Variants in CCDC158 observed in about 807,000 individuals in gnomAD.
CCDC158 encodes coiled-coil domain-containing protein 158.
A neutral mutation model predicts 138.6 loss-of-function variants in CCDC158; 116 were observed. The ratio of observed to expected loss-of-function variants is 0.84; its 90% CI spans 0.72 to 0.98. The LOEUF is 0.98. Among genes scored for constraint, CCDC158 ranks in the 50% least tolerant of loss-of-function variants. The pLI, the probability that CCDC158 is intolerant of heterozygous loss-of-function variation, is 0.00. For synonymous variants in CCDC158, 436 were observed against 442.4 expected, an observed-to-expected ratio of 0.99 and a Z score of 0.18; for missense variants, 1,265 against 1,306.1, an observed-to-expected ratio of 0.97 and a Z score of 0.48.
chr4:76,346,062 A>G (rs1042435128), intron 18 of CCDC158, among the ~76,000 whole-genome samples: 12 of 152,216 alleles, frequency 7.9e-5, no homozygotes, highest in Non-Finnish European at 1.5e-4. Flanking sequence ...CTGGAACAGA[A>G]CAGAGGCTTC....
At chr4:76,331,526 T>A in intron 20 of CCDC158, 123 bp from the exon 21 acceptor site, 1 of 743,192 alleles carries the variant, frequency 1.3e-6, no homozygotes, top group South Asian at 1.7e-5. Flanking sequence ...ATCTGACAGC[T>A]GGATAAATAA....
intron 16 of CCDC158, 36 bp from the exon 17 acceptor site, chr4:76,351,848 ATTCTT>A: frequency 7.8e-7 from 1 of 1,289,082 alleles, no homozygotes; most frequent in Non-Finnish European, 1.1e-6. Flanking sequence ...TTTATCTTGC[ATTCTT>A]TATGCACTTA....
intron 18 of CCDC158, among the ~76,000 whole-genome samples, chr4:76,347,303 TA>T (rs1370629780): frequency 6.6e-6 from 1 of 152,122 alleles, no homozygotes; most frequent in Middle Eastern, 3.2e-3. Flanking sequence ...ATAGACTGGA[TA>T]ATGTGCCTGG....
chr4:76,316,312 G>A (rs1190939246), intron 24 of CCDC158, among the ~76,000 whole-genome samples: 1 of 152,156 alleles, frequency 6.6e-6, no homozygotes, highest in Non-Finnish European at 1.5e-5. Flanking sequence ...AATACAAAAT[G>A]CACTGGAAAG....
chr4:76,364,773 T>G (rs372976090), intron 12 of CCDC158, among the ~76,000 whole-genome samples: 2 of 152,232 alleles, frequency 1.3e-5, no homozygotes, highest in Non-Finnish European at 1.5e-5. Flanking sequence ...TCCTGGCAGA[T>G]GCAATTTGAC....
chr4:76,388,248 A>G (rs571458571), intron 4 of CCDC158, among the ~76,000 whole-genome samples: 38 of 152,304 alleles, frequency 2.5e-4, no homozygotes, highest in African/African-American at 8.7e-4. Flanking sequence ...GCTCAGCCAC[A>G]GTCGGGTAGA....
At chr4:76,317,297 T>A (rs963845294) in intron 24 of CCDC158, among the ~76,000 whole-genome samples, 31 of 152,120 alleles carry the variant, frequency 2.0e-4, no homozygotes, top group African/African-American at 6.7e-4. Context: ...AGATATTCCA[T>A]GCAAATGGAT....
intron 18 of CCDC158, among the ~76,000 whole-genome samples, chr4:76,343,684 C>G (rs1722273036): frequency 6.6e-6 from 1 of 151,948 alleles, no homozygotes; most frequent in African/African-American, 2.4e-5. Context: ...GCCTGTAATC[C>G]CAGCTACTCA....
chr4:76,393,114 C>G (rs1727456581), intron 4 of CCDC158, among the ~76,000 whole-genome samples: 1 of 151,962 alleles, frequency 6.6e-6, no homozygotes, highest in African/African-American at 2.4e-5. Context: ...ACATTCTTCA[C>G]AGAAATAGAA....
chr4:76,380,737 A>G lies in CCDC158; in HGVS notation c.915-1333T>C, dbSNP rs188058762. On this transcript the variant is annotated intron_variant, in intron 8 of 24. Coordinates refer to ENST00000682701, the MANE Select transcript of CCDC158 (RefSeq NM_001394954.1). ...GAAGAGGTGCAAGACAATGGGGAAA[A>G]TGTCTCCGGGGCATGTCAGAGATCT... 1.1e-3 allele frequency among the ~76,000 whole-genome samples: 169 copies of G among 152,306 alleles called. 1 individual carries two copies. The highest frequency in any genetic ancestry group is 2.1e-3 in the Non-Finnish European group (144 of 68,030).
Position 76,332,298 on chromosome 4 carries a change from T to A in CCDC158, c.2882+134A>T, listed in dbSNP as rs979017742. The stretch of plus-strand genomic sequence containing the variant: ...CATTTCACTGAAATCTTTCTTAAAG[T>A]CAGTTAAACAACGAACCCAATATGC... On this transcript the variant is annotated intron_variant, in intron 20 of 24. Coordinates refer to ENST00000682701, the MANE Select transcript of CCDC158 (RefSeq NM_001394954.1). The A allele has an allele frequency of 1.4e-5, 9 of 634,442 alleles. No homozygotes were observed. In the African/African-American group the frequency reaches 1.6e-4, roughly 11 times the overall value. The allele number at this position is 634,442 out of a possible 1,614,324, so 39.3% of individuals were successfully genotyped here.
intron 16 of CCDC158, 53 bp from the exon 17 acceptor site, chr4:76,351,865 A>T (rs1235296558): frequency 2.7e-6 from 3 of 1,129,236 alleles, no homozygotes; most frequent in Non-Finnish European, 4.0e-6. Context: ...ATGCACTTAT[A>T]TTTTATTAAC....
Position 76,366,623 on chromosome 4 carries a change from A to G in CCDC158, c.1830+671T>C, listed in dbSNP as rs1439872837. On this transcript the variant is annotated intron_variant, in intron 12 of 24. Coordinates refer to ENST00000682701, the MANE Select transcript of CCDC158 (RefSeq NM_001394954.1). ...TGTAGGGAAAAGGAGACACTGCTAC[A>G]TAAACACACACACAAACACACACAC... is the stretch of plus-strand genomic sequence containing the variant. Among the ~76,000 whole-genome samples the G allele has an allele frequency of 3.8e-5, 5 of 131,176 alleles. No homozygotes were observed. The Admixed American group carries it at 4.2e-4, about 11-fold the overall frequency. The allele number at this position is 131,176 out of a possible 152,430, so 86.1% of individuals were successfully genotyped here. A position where few individuals can be genotyped will look rare whatever the true frequency, so the allele number is the denominator to read the frequency against.
intron 22 of CCDC158, 120 bp downstream of exon 22, chr4:76,328,780 G>A: frequency 1.3e-6 from 1 of 747,856 alleles, no homozygotes; most frequent in Non-Finnish European, 2.4e-6. Flanking sequence ...GGGAGTAGCA[G>A]GAAATGAGGC....
chr4:76,381,969 C>T (rs1002554869), intron 8 of CCDC158, among the ~76,000 whole-genome samples: 6 of 152,202 alleles, frequency 3.9e-5, no homozygotes, highest in Admixed American at 6.5e-5. Flanking sequence ...GCGTAAGCCA[C>T]CATGCCCAGC....
intron 23 of CCDC158, 45 bp downstream of exon 23, chr4:76,325,812 G>A (rs1377818879): frequency 6.5e-7 from 1 of 1,542,862 alleles, no homozygotes; most frequent in East Asian, 2.3e-5. Context: ...GTTCAGCAGT[G>A]TAGGAAATCA....
At chr4:76,348,399 C>A (rs1722762797) in intron 18 of CCDC158, among the ~76,000 whole-genome samples, 1 of 141,762 alleles carries the variant, frequency 7.1e-6, no homozygotes. Context: ...TGTGCCACTG[C>A]ACCCCAGCCT....
intron 3 of CCDC158, among the ~76,000 whole-genome samples, chr4:76,400,477 A>T (rs1173255830): frequency 6.6e-6 from 1 of 151,772 alleles, no homozygotes; most frequent in Non-Finnish European, 1.5e-5. Context: ...TGGGTGCAGC[A>T]CACCAACATG....
rs1726387672 is a variant in CCDC158 at position 76,382,718 on chromosome 4, A to G, written c.806T>C (p.Ile269Thr). The G allele has an allele frequency of 1.9e-6, 3 of 1,592,640 alleles. No individual in the cohort carries two copies. Among genetic ancestry groups the G allele is most frequent in the Non-Finnish European group, 2.6e-6 (3 of 1,162,690 alleles). ...ELLLQQHQDR[I>T]EQLISEHEVE... is the part of the protein sequence containing the mutation. ...TTCATGTTCACTTATTAACTGCTCAATCCTATAAAAAGAATGTGGTGATTG... is the reference window on the plus strand; with the variant it reads ...TTCATGTTCACTTATTAACTGCTCAGTCCTATAAAAAGAATGTGGTGATTG... The change falls in exon 8 of 25, where the codon ATT (isoleucine) becomes ACT (threonine). Residue 269 changes from isoleucine (I) to threonine (T), a missense_variant and splice_region_variant. By Grantham distance (89) the Ile-to-Thr change is moderately conservative. Coordinates refer to ENST00000682701, the MANE Select transcript of CCDC158 (RefSeq NM_001394954.1).
Sources: allele counts gnomAD v4.1 joint callset (sites outside exome capture counted in the v4.1 genomes callset), GRCh38; gene constraint gnomAD v4.1.1; transcripts MANE v1.5; gene names NCBI Gene and HGNC (gene_info 2026-07-23, HGNC 2026-07-21).